BACH2: variants seen among roughly 807,000 people sequenced by gnomAD.
BACH2 encodes BACH transcriptional regulator 2.
BACH2 carries 5 observed loss-of-function variants against 61.8 expected under a neutral mutation model. The observed-to-expected ratio is 0.08, with a 90% CI of 0.04 to 0.17. The LOEUF (loss-of-function observed/expected upper bound fraction) is 0.17. Among genes scored for constraint, BACH2 ranks in the 10% least tolerant of loss-of-function variants. BACH2 has a pLI of 1.00. For missense variants in BACH2, 824 were observed against 1,091.1 expected (o/e 0.76, Z 3.45); for synonymous variants, 446 against 440.1 (o/e 1.01, Z -0.17).
intron 2 of BACH2, among the ~76,000 whole-genome samples, 169 bp downstream of exon 2, chr6:90,271,680 G>A (rs1202825031): frequency 6.6e-6 from 1 of 152,130 alleles, no homozygotes; most frequent in African/African-American, 2.4e-5. Context: ...AATTAAAAGT[G>A]CACGAGATAC....
intron 6 of BACH2, among the ~76,000 whole-genome samples, chr6:89,972,732 G>T (rs192640755): frequency 1.3e-5 from 2 of 151,904 alleles, no homozygotes; most frequent in Admixed American, 1.3e-4. Flanking sequence ...CACTTTCCCA[G>T]TAAGTCATTC....
At chr6:90,181,136 A>T (rs1350911578) in intron 4 of BACH2, among the ~76,000 whole-genome samples, 1 of 152,166 alleles carries the variant, frequency 6.6e-6, no homozygotes, top group Non-Finnish European at 1.5e-5. Context: ...TCCCACCAGT[A>T]GTGTGTAAGT....
chr6:90,234,374 G>C (rs1770194863), intron 3 of BACH2, among the ~76,000 whole-genome samples: 1 of 152,208 alleles, frequency 6.6e-6, no homozygotes, highest in Non-Finnish European at 1.5e-5. Context: ...GCTGTGAGTT[G>C]ACAGTGAATA....
intron 4 of BACH2, among the ~76,000 whole-genome samples, chr6:90,120,494 C>A (rs1172535332): frequency 6.6e-6 from 1 of 152,180 alleles, no homozygotes; most frequent in African/African-American, 2.4e-5. Context: ...TGTTTAATGG[C>A]CCTTCAGAGG....
At chr6:90,289,967 C>G (rs1397283653) in intron 1 of BACH2, among the ~76,000 whole-genome samples, 1 of 152,132 alleles carries the variant, frequency 6.6e-6, no homozygotes, top group African/African-American at 2.4e-5. Flanking sequence ...TGTATTTTTT[C>G]CAAGTATGGA....
chr6:89,932,356 GA>G lies in BACH2; in HGVS notation c.*51del. 1 of 1,579,058 alleles carries G rather than the reference GA, an allele frequency of 6.3e-7. No individual in the cohort carries two copies. The highest frequency in any genetic ancestry group is 8.6e-7 in the Non-Finnish European group (1 of 1,158,554). On this transcript the variant is annotated 3_prime_UTR_variant, in exon 9 of 9. Coordinates refer to ENST00000257749, the MANE Select transcript of BACH2 (RefSeq NM_021813.4). ...AGATGAACAGTGCCACAGGCTGACT[GA>G]AGAACGCCTGGATGGGAGAGGTGTG...
At position 90,109,651 on chromosome 6, in the gene BACH2, G is replaced by C. The variant is rs571258412; in HGVS notation, c.-161-20542C>G. On this transcript the variant is annotated intron_variant, in intron 4 of 8. Transcript: ENST00000257749. ...TAACATGGCCAAAAAAACAATTATT[G>C]TTTCCATCCTCCCTCCAAACCTGCT... Among the ~76,000 whole-genome samples the C allele has an allele frequency of 3.6e-4, 55 of 152,116 alleles. No homozygotes were observed. The South Asian group carries it at 0.011, about 32-fold the overall frequency.
Position 89,929,951 on chromosome 6 carries a change from G to C in BACH2, c.*2457C>G, listed in dbSNP as rs770214911. 1 of 152,316 alleles carries C rather than the reference G, an allele frequency of 6.6e-6. No individual in the cohort carries two copies. The highest frequency in any genetic ancestry group is 2.4e-5 in the African/African-American group (1 of 41,414). The allele number at this position is 152,316 out of a possible 1,614,324, so 9.4% of individuals were successfully genotyped here. Reference sequence around the variant, plus strand: ...CTCCACTGTAACACACGCCTGCGAAGTATCACGTGATTCACATTGAGTTTA... The same window carrying C: ...CTCCACTGTAACACACGCCTGCGAACTATCACGTGATTCACATTGAGTTTA... On this transcript the variant is annotated 3_prime_UTR_variant, in exon 9 of 9. Coordinates refer to ENST00000257749, the MANE Select transcript of BACH2 (RefSeq NM_021813.4).
At chr6:90,292,023 A>G (rs1772196170) in intron 1 of BACH2, among the ~76,000 whole-genome samples, 2 of 152,218 alleles carry the variant, frequency 1.3e-5, no homozygotes, top group South Asian at 2.1e-4. Context: ...GCAGATTTTG[A>G]CAAATATGTT....
At chr6:90,292,673 T>A (rs1772217361) in intron 1 of BACH2, among the ~76,000 whole-genome samples, 1 of 152,176 alleles carries the variant, frequency 6.6e-6, no homozygotes, top group Non-Finnish European at 1.5e-5. Flanking sequence ...AATCATCCAC[T>A]ATATGCCAGG....
intron 4 of BACH2, among the ~76,000 whole-genome samples, chr6:90,178,550 A>C (rs1768053898): frequency 6.6e-6 from 1 of 152,180 alleles, no homozygotes; most frequent in Non-Finnish European, 1.5e-5. Context: ...ACTCCTTCCC[A>C]ACTCCCAAAA....
Position 90,008,505 on chromosome 6 carries a change from G to T in BACH2, c.243+97C>A. 2 of 1,487,476 alleles carry T rather than the reference G, an allele frequency of 1.3e-6. No individual in the cohort carries two copies. The highest frequency in any genetic ancestry group is 4.6e-5 in the East Asian group (2 of 43,714). The allele number at this position is 1,487,476 out of a possible 1,614,324, so 92.1% of individuals were successfully genotyped here. On this transcript the variant is annotated intron_variant, in intron 6 of 8. Coordinates refer to ENST00000257749, the MANE Select transcript of BACH2 (RefSeq NM_021813.4). This position sits in a 1 kb window ranked among gnomAD's most constrained non-coding sequence, Gnocchi z 4.1. ...GACTTGGACATCAACTCCTGAGTGG[G>T]GACATGGCACCTAGTACATCTTCTA...
In BACH2 at chr6:89,951,231, C is replaced by G. The variant is rs770965880; in HGVS notation, c.875G>C (p.Cys292Ser). Residue 292 changes from cysteine to serine, a missense_variant, in exon 7 of 9, where the codon TGC (cysteine) becomes TCC (serine). Physicochemically the swap from Cys to Ser is moderately radical, Grantham distance 112. Around this residue, in one of 8 missense-constraint regions of BACH2, gnomAD observed 226 missense variants for 228.5 expected, o/e 0.99. Coordinates refer to ENST00000257749, the MANE Select transcript of BACH2 (RefSeq NM_021813.4). The surrounding 1 kb of genome is among the most constrained non-coding windows in gnomAD (Gnocchi z 6.4). Reference sequence around the variant, plus strand: ...GGCGTCAGGCTCATCTCCAGACAGGCAGAGCGTGATGCTCTCTTCCTCATT... The same window carrying G: ...GGCGTCAGGCTCATCTCCAGACAGGGAGAGCGTGATGCTCTCTTCCTCATT... Reference protein sequence around the residue: ...EENEEESITLCLSGDEPDAKD... With the variant: ...EENEEESITLSLSGDEPDAKD... 1.2e-6 allele frequency: 2 copies of G among 1,614,120 alleles called. No homozygotes were observed. The highest frequency in any genetic ancestry group is 4.5e-5 in the East Asian group (2 of 44,866).
chr6:90,194,043 C>T (rs1048891432), intron 4 of BACH2, among the ~76,000 whole-genome samples: 1 of 152,080 alleles, frequency 6.6e-6, no homozygotes, highest in Non-Finnish European at 1.5e-5. Flanking sequence ...GCTGGAACTT[C>T]AACTACGCCA....
At position 89,989,319 on chromosome 6, in the gene BACH2, A is replaced by G. The variant is rs12055426; in HGVS notation, c.243+19283T>C. ...CAACTCTCCTTTTCCACCTCCTCAC[A>G]CCCCCGGTAACCACCACTTGACTTT... On this transcript the variant is annotated intron_variant, in intron 6 of 8. Coordinates refer to ENST00000257749, the MANE Select transcript of BACH2 (RefSeq NM_021813.4). 9.2e-3 allele frequency among the ~76,000 whole-genome samples: 1,400 copies of G among 151,652 alleles called. 56 individuals carry two copies. The East Asian group carries it at 0.14, about 15-fold the overall frequency.
chr6:90,014,438 G>GTATATATATA (rs1777911285), intron 5 of BACH2, among the ~76,000 whole-genome samples: 4 of 73,176 alleles, frequency 5.5e-5, no homozygotes, highest in African/African-American at 2.3e-4. Flanking sequence ...GTGTGTGTGT[G>GTATATATATA]TGTATATATA....
chr6:89,974,533 A>G (rs1382015872), intron 6 of BACH2, among the ~76,000 whole-genome samples: 1 of 152,184 alleles, frequency 6.6e-6, no homozygotes, highest in Non-Finnish European at 1.5e-5. Context: ...GGGAGAAAAA[A>G]CGCCCTGATG....
At chr6:90,204,306 A>C (rs1282297357) in intron 4 of BACH2, among the ~76,000 whole-genome samples, 1 of 152,050 alleles carries the variant, frequency 6.6e-6, no homozygotes, top group African/African-American at 2.4e-5. Context: ...ACCCACAACA[A>C]TATTTCTAGC....
chr6:90,249,786 C>T (rs1770748158), intron 3 of BACH2, among the ~76,000 whole-genome samples: 1 of 152,064 alleles, frequency 6.6e-6, no homozygotes, highest in East Asian at 1.9e-4. Context: ...CAAAATGAAA[C>T]AAAACCTAAG....
Sources: gnomAD v4.1 joint callset for allele counts (sites outside exome capture counted in the v4.1 genomes callset) on GRCh38, gnomAD v4.1.1 for gene constraint, gnomAD v4.1.1 regional missense constraint, Gnocchi (gnomAD v3.1) non-coding constraint, MANE v1.5 for transcripts, NCBI Gene and HGNC (gene_info 2026-07-23, HGNC 2026-07-21) for gene names.